The following PNN variants were observed in gnomAD, a reference collection of about 807,000 sequenced individuals.
PNN encodes pinin, desmosome associated protein, also known as pinin.
In PNN, 38 loss-of-function variants were observed where a neutral mutation model predicts 76.6. That is an observed-to-expected ratio of 0.50 (90% CI 0.38 to 0.65). The LOEUF (loss-of-function observed/expected upper bound fraction) is 0.65, where lower values mean the gene tolerates loss of function less well. Among genes scored for constraint, PNN ranks in the 30% least tolerant of loss-of-function variants. The probability of loss-of-function intolerance (pLI) is 0.00; values close to 1 mark genes in which losing one functional copy is unlikely to be tolerated. For synonymous variants in PNN, 366 were observed against 283.7 expected, an observed-to-expected ratio of 1.29 and a Z score of -2.91; for missense variants, 873 against 874.1, an observed-to-expected ratio of 1.00 and a Z score of 0.02.
Position 39,177,901 on chromosome 14 carries a change from T to C in PNN, c.483T>C (p.Thr161=), listed in dbSNP as rs1478451192. ...GTLQKFKQES[T]VATERQKRRQ... ...TTCAAAAATTTAAACAAGAATCCAC[T>C]GTTGCTACTGAAAGGGTATTTATCC... The change falls in exon 6 of 9, where the codon ACT becomes ACC. Residue 161 remains threonine (T), a synonymous_variant. Transcript: ENST00000216832. 7 of 1,603,320 alleles carry C rather than the reference T, an allele frequency of 4.4e-6. No individual in the cohort carries two copies. The highest frequency in any genetic ancestry group is 6.0e-6 in the Non-Finnish European group (7 of 1,170,552).
intron 3 of PNN, among the ~76,000 whole-genome samples, chr14:39,176,964 T>C (rs2053231361): frequency 6.6e-6 from 1 of 152,252 alleles, no homozygotes; most frequent in Non-Finnish European, 1.5e-5. Flanking sequence ...TGTAGTATCC[T>C]TTCTCTGCTG....
Position 39,181,565 on chromosome 14 carries a change from G to C in PNN, c.1856G>C (p.Arg619Thr). The change falls in exon 9 of 9, where the codon AGA becomes ACA. Residue 619 changes from arginine (R) to threonine (T), a missense_variant. By Grantham distance (71) the Arg-to-Thr change is moderately conservative. This residue lies in a region of PNN where 712 missense variants were observed against 693.1 expected (regional missense o/e 1.03). Coordinates refer to ENST00000216832, the MANE Select transcript of PNN (RefSeq NM_002687.4). The stretch of plus-strand genomic sequence containing the variant: ...TCCAGTACAAGTGGCAGCAGCAGCA[G>C]AGATAGTAGCAGTAGCACTAGTAGT... ...SSSSTSGSSS[R>T]DSSSSTSSSS... The C allele has an allele frequency of 6.2e-7, 1 of 1,612,558 alleles. No homozygotes were observed.
intron 3 of PNN, among the ~76,000 whole-genome samples, chr14:39,176,969 C>A (rs956556771): frequency 1.6e-4 from 24 of 152,206 alleles, no homozygotes; most frequent in African/African-American, 4.6e-4. Flanking sequence ...TATCCTTTCT[C>A]TGCTGGAGGA....
chr14:39,180,366 T>C, intron 8 of PNN, 137 bp from the exon 9 acceptor site: 1 of 843,174 alleles, frequency 1.2e-6, no homozygotes, highest in Non-Finnish European at 1.7e-6. Context: ...GGTTACTTAA[T>C]TGCCATAATC....
Position 39,180,778 on chromosome 14 carries a change from G to C in PNN, c.1069G>C (p.Glu357Gln). 6.2e-7 allele frequency: 1 copy of C among 1,608,284 alleles called. No individual in the cohort carries two copies. The change falls in exon 9 of 9, where the codon GAA becomes CAA. Residue 357 changes from glutamate (E) to glutamine (Q), a missense_variant. Glu to Gln is a conservative substitution (Grantham distance 29). Transcript: ENST00000216832. ...SDAEKEQEEE[E>Q]QKQEMEVKME... ...TGCAGAGAAAGAACAGGAGGAGGAA[G>C]AACAAAAACAGGAAATGGAGGTTAA...
chr14:39,180,692 A>G lies in PNN; in HGVS notation c.983A>G (p.Asp328Gly). The stretch of plus-strand genomic sequence containing the variant: ...GAGGAGACAGGTAATCAGCACAATG[A>G]TGTAGAAATAGAGGAAGCAGGAGAG... The part of the protein sequence containing the change: ...ELEETGNQHN[D>G]VEIEEAGEEE... The change falls in exon 9 of 9, where the codon GAT becomes GGT. Residue 328 changes from aspartate to glycine, a missense_variant. Transcript: ENST00000216832. 6.2e-7 allele frequency: 1 copy of G among 1,607,466 alleles called. No homozygotes were observed. The highest frequency in any genetic ancestry group is 8.5e-7 in the Non-Finnish European group (1 of 1,176,230).
At chr14:39,179,275 G>T (rs772918428) in intron 7 of PNN, 29 bp downstream of exon 7, 2 of 1,609,316 alleles carry the variant, frequency 1.2e-6, no homozygotes, top group East Asian at 4.5e-5. Flanking sequence ...TTCTAAGATT[G>T]GTAATCCTTT....
At chr14:39,175,784 C>A in intron 1 of PNN, 1 of 479,294 alleles carries the variant, frequency 2.1e-6, no homozygotes, top group Non-Finnish European at 3.7e-6. Flanking sequence ...CTTACCCCAG[C>A]TTCCTGTCCA....
Position 39,181,284 on chromosome 14 carries a change from T to G in PNN, c.1575T>G (p.Pro525=), listed in dbSNP as rs921234772. ...CTCAGGAGCAAGGGCATTTACTACC[T>G]GAGAGGAAGGATTTTCCTGTAGAGT... The part of the protein sequence containing the change: ...QVTQEQGHLL[P]ERKDFPVESV... Residue 525 remains proline, a synonymous_variant, in exon 9 of 9, where the codon CCT becomes CCG. Coordinates refer to ENST00000216832, the MANE Select transcript of PNN (RefSeq NM_002687.4). The G allele has an allele frequency of 1.2e-6, 2 of 1,613,956 alleles. No homozygotes were observed. Among genetic ancestry groups the G allele is most frequent in the Admixed American group, 1.7e-5 (1 of 59,992 alleles).
chr14:39,181,010 A>G lies in PNN; in HGVS notation c.1301A>G (p.Glu434Gly). 3 of 1,612,976 alleles carry G rather than the reference A, an allele frequency of 1.9e-6. No homozygotes were observed. Among genetic ancestry groups the G allele is most frequent in the Non-Finnish European group, 2.5e-6 (3 of 1,179,240 alleles). ...ELEPEMEFEI[E>G]PDKECKTLSP... ...GAACCAGAAATGGAATTTGAAATTG[A>G]GCCAGATAAAGAATGTAAAACCCTT... Residue 434 changes from glutamate to glycine, a missense_variant, in exon 9 of 9, where the codon GAG (glutamate) becomes GGG (glycine). Physicochemically the swap from Glu to Gly is moderately conservative, Grantham distance 98 (BLOSUM62 -2). Coordinates refer to ENST00000216832, the MANE Select transcript of PNN (RefSeq NM_002687.4).
Position 39,176,147 on chromosome 14 carries a change from G to A in PNN, c.183G>A (p.Leu61=). The A allele has an allele frequency of 6.3e-7, 1 of 1,578,858 alleles. No homozygotes were observed. Among genetic ancestry groups the A allele is most frequent in the Non-Finnish European group, 8.7e-7 (1 of 1,147,950 alleles). Residue 61 remains leucine, a splice_region_variant and synonymous_variant, in exon 2 of 9, where the codon CTG becomes CTA. Transcript: ENST00000216832. Reference sequence around the variant, plus strand: ...GTAGAGGACGTGGTAGTTTATTACTGAGGTAAGATTTCCTTTGGACTTTAC... The same window carrying A: ...GTAGAGGACGTGGTAGTTTATTACTAAGGTAAGATTTCCTTTGGACTTTAC... The part of the protein sequence containing the change: ...GGGRGRGSLL[L]RRGFSDSGGG...
intron 1 of PNN, among the ~76,000 whole-genome samples, chr14:39,175,595 G>A (rs952522506): frequency 6.6e-6 from 1 of 152,230 alleles, no homozygotes; most frequent in African/African-American, 2.4e-5. Flanking sequence ...AGGTCCCTGA[G>A]GAAGGAGAGC....
At position 39,180,952 on chromosome 14, in the gene PNN, G is replaced by C; in HGVS notation, c.1243G>C (p.Glu415Gln). The C allele has an allele frequency of 6.2e-7, 1 of 1,613,890 alleles. No homozygotes were observed. The highest frequency in any genetic ancestry group is 1.1e-5 in the South Asian group (1 of 91,012). ...GGAAACTAATCGAGTTGAAAGTGTA[G>C]AACCTTCAGAAAATGAAGCTAGCAA... ...VMETNRVESV[E>Q]PSENEASKEL... The change falls in exon 9 of 9, where the codon GAA becomes CAA. Residue 415 changes from glutamate (E) to glutamine (Q), a missense_variant. Glu to Gln is a conservative substitution (Grantham distance 29, BLOSUM62 2). This residue lies in a region of PNN where 712 missense variants were observed against 693.1 expected (regional missense o/e 1.03). Coordinates refer to ENST00000216832, the MANE Select transcript of PNN (RefSeq NM_002687.4).
At position 39,180,718 on chromosome 14, in the gene PNN, G is replaced by C. The variant is rs201555412; in HGVS notation, c.1009G>C (p.Glu337Gln). The change falls in exon 9 of 9, where the codon GAA (glutamate) becomes CAA (glutamine). Residue 337 changes from glutamate (E) to glutamine (Q), a missense_variant. Transcript: ENST00000216832. ...TGTAGAAATAGAGGAAGCAGGAGAG[G>C]AAGAGGAAAAGGAAATAGCGATTGT... ...NDVEIEEAGE[E>Q]EEKEIAIVHS... is the part of the protein sequence containing the mutation. 12 of 1,598,930 alleles carry C rather than the reference G, an allele frequency of 7.5e-6. No individual in the cohort carries two copies. In the South Asian group the frequency reaches 1.0e-4, roughly 13 times the overall value.
chr14:39,176,549 G>C lies in PNN; in HGVS notation c.208G>C (p.Gly70Arg). ...LLRRGFSDSGGGPPAKQRDLE... is the reference protein window; with the variant it reads ...LLRRGFSDSGRGPPAKQRDLE... ...CAGGCGTGGATTCTCAGATAGTGGAGGAGGACCCCCAGCCAAACAGAGAGA... is the reference window on the plus strand; with the variant it reads ...CAGGCGTGGATTCTCAGATAGTGGACGAGGACCCCCAGCCAAACAGAGAGA... Residue 70 changes from glycine (G) to arginine (R), a missense_variant, in exon 3 of 9, where the codon GGA becomes CGA. Gly to Arg is a moderately radical substitution (Grantham distance 125). Around this residue, in one of 3 missense-constraint regions of PNN, gnomAD observed 156 missense variants for 161.7 expected, o/e 0.96. Transcript: ENST00000216832. 1 of 1,608,880 alleles carries C rather than the reference G, an allele frequency of 6.2e-7. No homozygotes were observed. Among genetic ancestry groups the C allele is most frequent in the Non-Finnish European group, 8.5e-7 (1 of 1,178,354 alleles).
Position 39,181,718 on chromosome 14 carries a change from G to A in PNN, c.2009G>A (p.Gly670Asp), listed in dbSNP as rs753332858. Reference sequence around the variant, plus strand: ...AGAAGTCACAAATCTTCAAAAGGTGGTAGTAGTAGAGATACAAAAGGATCA... The same window carrying A: ...AGAAGTCACAAATCTTCAAAAGGTGATAGTAGTAGAGATACAAAAGGATCA... ...LERSHKSSKG[G>D]SSRDTKGSKD... Residue 670 changes from glycine to aspartate, a missense_variant, in exon 9 of 9, where the codon GGT becomes GAT. Physicochemically the swap from Gly to Asp is moderately conservative, Grantham distance 94 (BLOSUM62 -1). This residue lies in a region of PNN where 712 missense variants were observed against 693.1 expected (regional missense o/e 1.03). Transcript: ENST00000216832. 1.9e-5 allele frequency: 31 copies of A among 1,614,006 alleles called. No individual in the cohort carries two copies. The highest frequency in any genetic ancestry group is 2.4e-5 in the Non-Finnish European group (28 of 1,179,972).
chr14:39,180,729 G>C lies in PNN; in HGVS notation c.1020G>C (p.Lys340Asn). The change falls in exon 9 of 9, where the codon AAG (lysine) becomes AAC (asparagine). Residue 340 changes from lysine (K) to asparagine (N), a missense_variant. By Grantham distance (94) the Lys-to-Asn change is moderately conservative. This residue lies in a region of PNN where 712 missense variants were observed against 693.1 expected (regional missense o/e 1.03). Transcript: ENST00000216832. ...AGGAAGCAGGAGAGGAAGAGGAAAA[G>C]GAAATAGCGATTGTTCATAGTGATG... ...EIEEAGEEEE[K>N]EIAIVHSDAE... 2.5e-6 allele frequency: 4 copies of C among 1,596,538 alleles called. No individual in the cohort carries two copies. Among genetic ancestry groups the C allele is most frequent in the Non-Finnish European group, 3.4e-6 (4 of 1,170,326 alleles).
chr14:39,178,507 G>A lies in PNN; in HGVS notation c.499-584G>A, dbSNP rs2053246024. 4.6e-5 allele frequency among the ~76,000 whole-genome samples: 7 copies of A among 151,982 alleles called. 1 individual carries two copies. In the South Asian group the frequency reaches 1.5e-3, roughly 32 times the overall value. On this transcript the variant is annotated intron_variant, in intron 6 of 8. Coordinates refer to ENST00000216832, the MANE Select transcript of PNN (RefSeq NM_002687.4). ...GATCACACTATTGTACCCCAGCCTG[G>A]GCAACAGGCGCAAAACTCCATCTCA...
chr14:39,176,212 TTGAA>T (rs2053222453), intron 2 of PNN, 63 bp downstream of exon 2: 10 of 958,890 alleles, frequency 1.0e-5, no homozygotes, highest in Non-Finnish European at 1.5e-5. Flanking sequence ...ATATGTTGGT[TTGAA>T]CAAAACCTGT....
Sources: gnomAD v4.1 joint callset for allele counts (sites outside exome capture counted in the v4.1 genomes callset) on GRCh38, gnomAD v4.1.1 for gene constraint, gnomAD v4.1.1 regional missense constraint, MANE v1.5 for transcripts, NCBI Gene and HGNC (gene_info 2026-07-23, HGNC 2026-07-21) for gene names.